The following SETX variants were observed in gnomAD, a reference collection of about 807,000 sequenced individuals.
SETX encodes helicase senataxin.
A neutral mutation model predicts 227.2 loss-of-function variants in SETX; 90 were observed. The observed-to-expected ratio is 0.40, with a 90% CI of 0.33 to 0.47. The LOEUF (loss-of-function observed/expected upper bound fraction) is 0.47. Ranked by LOEUF, SETX falls within the 20% of genes least tolerant of loss-of-function variation. The probability of loss-of-function intolerance (pLI) is 0.91; values close to 1 mark genes in which losing one functional copy is unlikely to be tolerated. For synonymous variants in SETX, 1,210 were observed against 1,113.2 expected, an observed-to-expected ratio of 1.09 and a Z score of -1.73; for missense variants, 3,052 against 3,181.5, an observed-to-expected ratio of 0.96 and a Z score of 0.98.
intron 11 of SETX, 25 bp downstream of exon 11, chr9:132,311,732 C>A (rs761033872): frequency 2.9e-5 from 43 of 1,466,664 alleles, no homozygotes; most frequent in Non-Finnish European, 3.9e-5. Flanking sequence ...ATCATATATT[C>A]CAAGTTGCGT....
intron 15 of SETX, 86 bp from the exon 16 acceptor site, chr9:132,288,737 A>C (rs1844092290): frequency 1.1e-6 from 1 of 891,164 alleles, no homozygotes; most frequent in Non-Finnish European, 1.8e-6. Flanking sequence ...TTTCTAAGTA[A>C]ATATGTTAAT....
intron 4 of SETX, 120 bp downstream of exon 4, chr9:132,346,141 C>G (rs1848272750): frequency 1.2e-6 from 1 of 805,260 alleles, no homozygotes; most frequent in African/African-American, 1.8e-5. Context: ...AAAATGAAGT[C>G]CTAATTATAT....
chr9:132,284,435 C>T (rs1055705613), intron 18 of SETX, among the ~76,000 whole-genome samples: 9 of 152,152 alleles, frequency 5.9e-5, no homozygotes, highest in African/African-American at 2.2e-4. Context: ...AGAGAAAGAT[C>T]ATAATCCATT....
chr9:132,268,896 G>T (rs916383272), intron 25 of SETX, among the ~76,000 whole-genome samples: 2 of 152,210 alleles, frequency 1.3e-5, no homozygotes, highest in Non-Finnish European at 2.9e-5. Flanking sequence ...AGTGAAACAA[G>T]AAAGAAGGTG....
At position 132,263,104 on chromosome 9, in the gene SETX, A is replaced by G. The variant is rs1029342192; in HGVS notation, c.*1135T>C. ...GATATTCTAAACAGCATGTATTTTT[A>G]CCAGGTAGATGATTTCTGAAGATCA... On this transcript the variant is annotated 3_prime_UTR_variant, in exon 26 of 26. Coordinates refer to ENST00000224140, the MANE Select transcript of SETX (RefSeq NM_015046.7). 10 of 152,306 alleles carry G rather than the reference A, an allele frequency of 6.6e-5. No individual in the cohort carries two copies. The highest frequency in any genetic ancestry group is 2.4e-4 in the African/African-American group (10 of 41,554). The allele number at this position is 152,306 out of a possible 1,614,324, so 9.4% of individuals were successfully genotyped here. A position where few individuals can be genotyped will look rare whatever the true frequency, so the allele number is the denominator to read the frequency against.
intron 15 of SETX, among the ~76,000 whole-genome samples, chr9:132,291,075 TTAGTTATCTACAGCATATTTTTTATCC>T (rs1465764452): frequency 1.3e-5 from 2 of 152,052 alleles, no homozygotes; most frequent in African/African-American, 4.8e-5. Context: ...TGGCTTATTT[TTAGTTATCTACAGCATATTTTTTATCC>T]CAGTTCAGCT....
At chr9:132,283,028 T>C in intron 19 of SETX, 1 of 541,448 alleles carries the variant, frequency 1.8e-6, no homozygotes, top group Non-Finnish European at 3.3e-6. Context: ...AGCAGAGATT[T>C]TGTTAGAAAC....
At chr9:132,353,000 T>A (rs970044226) in intron 2 of SETX, among the ~76,000 whole-genome samples, 4 of 152,178 alleles carry the variant, frequency 2.6e-5, no homozygotes, top group African/African-American at 9.7e-5. Flanking sequence ...GTTCAGTACA[T>A]TTTCATCATT....
At chr9:132,273,549 A>T (rs1842999607) in intron 23 of SETX, among the ~76,000 whole-genome samples, 2 of 152,196 alleles carry the variant, frequency 1.3e-5, no homozygotes, top group African/African-American at 2.4e-5. Flanking sequence ...ATTTATTCCG[A>T]AGTGTTTTAT....
intron 6 of SETX, among the ~76,000 whole-genome samples, chr9:132,335,771 C>G (rs918308850): frequency 2.8e-4 from 43 of 152,308 alleles, no homozygotes; most frequent in African/African-American, 6.3e-4. Context: ...TTTGCCAGTG[C>G]TTGAAAATGT....
intron 10 of SETX, among the ~76,000 whole-genome samples, chr9:132,312,219 TC>T (rs1397826968): frequency 1.3e-5 from 2 of 152,138 alleles, no homozygotes; most frequent in Non-Finnish European, 2.9e-5. Flanking sequence ...GAATGCTACT[TC>T]CCAACCAGAT....
At position 132,261,363 on chromosome 9, in the gene SETX, T is replaced by C. The variant is rs1180519190; in HGVS notation, c.*2876A>G. The C allele has an allele frequency of 6.6e-6, 1 of 152,230 alleles. No individual in the cohort carries two copies. Among genetic ancestry groups the C allele is most frequent in the Non-Finnish European group, 1.5e-5 (1 of 68,046 alleles). The allele number at this position is 152,230 out of a possible 1,614,324, so 9.4% of individuals were successfully genotyped here. On this transcript the variant is annotated 3_prime_UTR_variant, in exon 26 of 26. Transcript: ENST00000224140. The stretch of plus-strand genomic sequence containing the variant: ...TAGGAAGGAGGGCCGGGCTGGATAA[T>C]GAAACTTTTTATATCTGAATTGCAC...
chr9:132,280,903 T>C (rs1033488688), intron 20 of SETX, among the ~76,000 whole-genome samples: 1 of 152,152 alleles, frequency 6.6e-6, no homozygotes. Flanking sequence ...GAGCTTGTAA[T>C]TGAGTCTTTT....
intron 4 of SETX, 138 bp downstream of exon 4, chr9:132,346,123 T>C (rs1470574831): frequency 7.0e-6 from 5 of 719,184 alleles, no homozygotes; most frequent in Non-Finnish European, 1.2e-5. Context: ...ATAAAAAACG[T>C]TGGAAAAAAA....
chr9:132,328,202 T>C lies in SETX; in HGVS notation c.3396A>G (p.Lys1132=). The change falls in exon 10 of 26, where the codon AAA becomes AAG. Residue 1132 remains lysine, a synonymous_variant. Transcript: ENST00000224140. ...GCTDYVSEVV[K]KGAEGIEEHT... ...GTTCTTCAATGCCCTCTGCTCCTTT[T>C]TTAACAACTTCAGATACATAATCTG... The C allele has an allele frequency of 6.2e-7, 1 of 1,614,190 alleles. No individual in the cohort carries two copies. The highest frequency in any genetic ancestry group is 8.5e-7 in the Non-Finnish European group (1 of 1,180,032).
At chr9:132,298,709 T>C (rs1157950478) in intron 12 of SETX, among the ~76,000 whole-genome samples, 1 of 152,064 alleles carries the variant, frequency 6.6e-6, no homozygotes, top group African/African-American at 2.4e-5. Context: ...AATAAGCAAC[T>C]GCAAAGATCG....
At position 132,266,549 on chromosome 9, in the gene SETX, A is replaced by G. The variant is rs1014166881; in HGVS notation, c.7288-1564T>C. Among the ~76,000 whole-genome samples, 7 of 152,148 alleles carry G rather than the reference A, an allele frequency of 4.6e-5. 1 individual carries two copies. Among genetic ancestry groups the G allele is most frequent in the Admixed American group, 1.3e-4 (2 of 15,268 alleles). On this transcript the variant is annotated intron_variant, in intron 25 of 25. Transcript: ENST00000224140. ...CACTTTGGGAGGCTGAGGCGGGCGG[A>G]TCACCTGAGGTCAGAGGTTCAAGAC...
intron 18 of SETX, among the ~76,000 whole-genome samples, chr9:132,284,733 C>A (rs975860832): frequency 6.6e-6 from 1 of 152,216 alleles, no homozygotes; most frequent in Non-Finnish European, 1.5e-5. Flanking sequence ...AAGTGCTGTA[C>A]TTTCTTTTGC....
In SETX at chr9:132,271,781, T is replaced by C. The variant is rs755896883; in HGVS notation, c.7128A>G (p.Ala2376=). The change falls in exon 24 of 26, where the codon GCA becomes GCG. Residue 2376 remains alanine (A), a synonymous_variant. Transcript: ENST00000224140. The stretch of plus-strand genomic sequence containing the variant: ...CACAATCCTTCTGCCGACCCTGGAA[T>C]GCATCCACAGTGTCTACTTCTGCTG... ...KGPAEVDTVD[A]FQGRQKDCVI... The C allele has an allele frequency of 6.2e-7, 1 of 1,614,044 alleles. No homozygotes were observed. The highest frequency in any genetic ancestry group is 1.1e-5 in the South Asian group (1 of 91,086).
Sources: gnomAD v4.1 joint callset for allele counts (sites outside exome capture counted in the v4.1 genomes callset) on GRCh38, gnomAD v4.1.1 for gene constraint, MANE v1.5 for transcripts, NCBI Gene and HGNC (gene_info 2026-07-23, HGNC 2026-07-21) for gene names.